Variants in SPA17 observed in about 807,000 individuals in gnomAD.
SPA17 encodes sperm autoantigenic protein 17, also known as sperm surface protein Sp17.
Under a neutral mutation model 13.8 loss-of-function variants are expected in SPA17, and 7 were observed. The ratio of observed to expected loss-of-function variants is 0.51; its 90% CI spans 0.29 to 0.95. The LOEUF (loss-of-function observed/expected upper bound fraction) is 0.95. Ranked by LOEUF, SPA17 falls within the 40% of genes least tolerant of loss-of-function variation. The pLI is 0.08. For missense variants in SPA17, 170 were observed against 179.3 expected (o/e 0.95, Z 0.30); for synonymous variants, 61 against 59.0 (o/e 1.03, Z -0.16).
chr11:124,690,561 A>T (rs1943615268), intron 3 of SPA17, among the ~76,000 whole-genome samples: 1 of 152,230 alleles, frequency 6.6e-6, no homozygotes, highest in Non-Finnish European at 1.5e-5. Flanking sequence ...CCCTGACTTG[A>T]TCACCAATCC....
intron 3 of SPA17, among the ~76,000 whole-genome samples, chr11:124,689,912 T>C (rs1943610007): frequency 6.6e-6 from 1 of 152,196 alleles, no homozygotes; most frequent in East Asian, 1.9e-4. Flanking sequence ...TACAGTAAGA[T>C]ATTATTTTAC....
intron 3 of SPA17, among the ~76,000 whole-genome samples, chr11:124,684,639 G>A (rs757388639): frequency 5.9e-5 from 9 of 152,322 alleles, no homozygotes; most frequent in Middle Eastern, 3.4e-3. Context: ...TGGGTAACAG[G>A]CAGAGAGGTT....
At chr11:124,686,198 G>GGGGGGGGT (rs1943577089) in intron 3 of SPA17, among the ~76,000 whole-genome samples, 1 of 114,408 alleles carries the variant, frequency 8.7e-6, no homozygotes, top group Non-Finnish European at 1.8e-5. Flanking sequence ...GGTGGGGGGG[G>GGGGGGGGT]GGTGGTTTTA....
intron 3 of SPA17, among the ~76,000 whole-genome samples, chr11:124,687,406 T>A (rs993691734): frequency 2.6e-5 from 4 of 152,082 alleles, no homozygotes; most frequent in African/African-American, 9.7e-5. Flanking sequence ...CTCCTGAAAC[T>A]ATTCCAAAAA....
At chr11:124,693,709 A>T (rs995449067) in intron 4 of SPA17, among the ~76,000 whole-genome samples, 1 of 152,160 alleles carries the variant, frequency 6.6e-6, no homozygotes, top group Admixed American at 6.5e-5. Context: ...TACGCTGAAG[A>T]TTCATGCATT....
intron 2 of SPA17, 187 bp downstream of exon 2, chr11:124,675,605 T>C (rs187841968): frequency 1.8e-6 from 1 of 552,796 alleles, no homozygotes; most frequent in Non-Finnish European, 3.1e-6. Context: ...CGTTTCATAT[T>C]ATCGAAGATT....
chr11:124,696,751 T>G lies in SPA17; in HGVS notation c.*2305T>G, dbSNP rs1207051294. 6.6e-6 allele frequency: 1 copy of G among 152,228 alleles called. No homozygotes were observed. The highest frequency in any genetic ancestry group is 1.5e-5 in the Non-Finnish European group (1 of 68,060). The allele number at this position is 152,228 out of a possible 1,614,324, so 9.4% of individuals were successfully genotyped here. A position where few individuals can be genotyped will look rare whatever the true frequency, so the allele number is the denominator to read the frequency against. ...TACACTCACTTGATTTCCTGCAGTTTCATAGCTTTAAAATCCAATCTTCTT... is the reference window on the plus strand; with the variant it reads ...TACACTCACTTGATTTCCTGCAGTTGCATAGCTTTAAAATCCAATCTTCTT... On this transcript the variant is annotated 3_prime_UTR_variant, in exon 5 of 5. Coordinates refer to ENST00000227135, the MANE Select transcript of SPA17 (RefSeq NM_017425.4).
In SPA17 at chr11:124,684,350, C is replaced by G. The variant is rs182042850; in HGVS notation, c.225+2891C>G. On this transcript the variant is annotated intron_variant, in intron 3 of 4. Transcript: ENST00000227135. Reference sequence around the variant, plus strand: ...AATCTTGGCTCACTGCAACCCCTGCCTCCTGGGTTCAAGTGATTCTCCTGC... The same window carrying G: ...AATCTTGGCTCACTGCAACCCCTGCGTCCTGGGTTCAAGTGATTCTCCTGC... Among the ~76,000 whole-genome samples, 280 of 152,220 alleles carry G rather than the reference C, an allele frequency of 1.8e-3. 1 individual carries two copies. The highest frequency in any genetic ancestry group is 4.7e-3 in the African/African-American group (197 of 41,538).
rs1376767558 is a variant in SPA17, at chr11:124,691,676, G to T, written c.226-20G>T. The T allele has an allele frequency of 7.1e-6, 11 of 1,551,068 alleles. No individual in the cohort carries two copies. Among genetic ancestry groups the T allele is most frequent in the Non-Finnish European group, 8.7e-6 (10 of 1,142,944 alleles). On this transcript the variant is annotated intron_variant, in intron 3 of 4. Coordinates refer to ENST00000227135, the MANE Select transcript of SPA17 (RefSeq NM_017425.4). ...CATTTTGGAAACATTGCTAATTGTGGCTCTCTCCTATCTGTCCAGGAGCAA... is the reference window on the plus strand; with the variant it reads ...CATTTTGGAAACATTGCTAATTGTGTCTCTCTCCTATCTGTCCAGGAGCAA...
chr11:124,692,000 T>C (rs1183545293), intron 4 of SPA17, among the ~76,000 whole-genome samples: 2 of 152,156 alleles, frequency 1.3e-5, no homozygotes, highest in Admixed American at 6.5e-5. Flanking sequence ...TGAAATCTTA[T>C]TTTTCAAGAT....
intron 2 of SPA17, among the ~76,000 whole-genome samples, chr11:124,680,066 C>T (rs755695343): frequency 3.9e-5 from 6 of 152,106 alleles, no homozygotes; most frequent in Non-Finnish European, 7.4e-5. Flanking sequence ...AACTGTTCTT[C>T]GGAGTAACCA....
chr11:124,694,442 AG>A lies in SPA17; in HGVS notation c.453del (p.Lys151AsnfsTer14), dbSNP rs1220098121. 6.2e-7 allele frequency: 1 copy of A among 1,609,216 alleles called. No homozygotes were observed. Among genetic ancestry groups the A allele is most frequent in the African/African-American group, 1.3e-5 (1 of 74,620 alleles). ...SLQNEEKEENK is the reference protein window; with the variant it reads ...SLQNEEKEENX ...CAAAATGAGGAAAAAGAGGAAAACA[AG>A]TGAGGACACTGGTTTTACCTCCAGG... On this transcript the variant is annotated frameshift_variant, in exon 5 of 5. Coordinates refer to ENST00000227135, the MANE Select transcript of SPA17 (RefSeq NM_017425.4). LOFTEE classifies it high-confidence loss of function.
At chr11:124,679,516 TA>T (rs888974463) in intron 2 of SPA17, among the ~76,000 whole-genome samples, 4 of 152,210 alleles carry the variant, frequency 2.6e-5, no homozygotes, top group African/African-American at 9.6e-5. Flanking sequence ...CCTGTAATCT[TA>T]AATTTGAGTT....
At chr11:124,680,232 A>G (rs1755937566) in intron 2 of SPA17, among the ~76,000 whole-genome samples, 1 of 152,188 alleles carries the variant, frequency 6.6e-6, no homozygotes, top group Admixed American at 6.5e-5. Context: ...GTAACCAGAT[A>G]TTATAAATTT....
At chr11:124,692,166 A>T (rs560358754) in intron 4 of SPA17, among the ~76,000 whole-genome samples, 1 of 152,332 alleles carries the variant, frequency 6.6e-6, no homozygotes, top group African/African-American at 2.4e-5. Context: ...ACAAAAGGAA[A>T]ATCACAGGGA....
At chr11:124,693,503 C>T (rs1056625423) in intron 4 of SPA17, among the ~76,000 whole-genome samples, 12 of 147,672 alleles carry the variant, frequency 8.1e-5, no homozygotes, top group East Asian at 3.9e-4. Context: ...TATATATATA[C>T]CCATATGAAT....
intron 3 of SPA17, among the ~76,000 whole-genome samples, chr11:124,682,901 CAAA>C (rs112659312): frequency 3.3e-5 from 3 of 92,168 alleles, no homozygotes; most frequent in Non-Finnish European, 2.5e-5. Flanking sequence ...AAATACAATG[CAAA>C]AAAAAAAAAA....
chr11:124,681,340 C>A, intron 2 of SPA17, 49 bp from the exon 3 acceptor site: 2 of 1,436,766 alleles, frequency 1.4e-6, no homozygotes, highest in Non-Finnish European at 9.5e-7. Context: ...TCTACATTTA[C>A]CTTAATGAAT....
At chr11:124,693,259 A>G (rs1213983644) in intron 4 of SPA17, among the ~76,000 whole-genome samples, 1 of 152,140 alleles carries the variant, frequency 6.6e-6, no homozygotes, top group African/African-American at 2.4e-5. Context: ...ATTATTTATA[A>G]TAGGGGGATA....
Sources: allele counts gnomAD v4.1 joint callset (sites outside exome capture counted in the v4.1 genomes callset), GRCh38; gene constraint gnomAD v4.1.1; transcripts MANE v1.5; gene names NCBI Gene and HGNC (gene_info 2026-07-23, HGNC 2026-07-21).